Variants in ZYG11B observed in about 807,000 individuals in gnomAD.
ZYG11B encodes the protein protein zyg-11 homolog B.
Under a neutral mutation model 82.4 loss-of-function variants are expected in ZYG11B, and 36 were observed. That is an observed-to-expected ratio of 0.44 (90% CI 0.33 to 0.58). ZYG11B has a LOEUF of 0.58. Among genes scored for constraint, ZYG11B ranks in the 20% least tolerant of loss-of-function variants. The probability of loss-of-function intolerance (pLI) is 0.02; values close to 1 mark genes in which losing one functional copy is unlikely to be tolerated. For synonymous variants in ZYG11B, 303 were observed against 312.8 expected (o/e 0.97, Z 0.33); for missense variants, 552 against 895.6 (o/e 0.62, Z 4.90).
chr1:52,770,088 A>ATTT (rs1479332225), intron 2 of ZYG11B, among the ~76,000 whole-genome samples: 1 of 76,932 alleles, frequency 1.3e-5, no homozygotes, highest in African/African-American at 3.7e-5. Context: ...ATATATATAT[A>ATTT]TATATTTTTT....
At chr1:52,750,656 T>C (rs1278754353) in intron 1 of ZYG11B, among the ~76,000 whole-genome samples, 3 of 152,152 alleles carry the variant, frequency 2.0e-5, no homozygotes, top group Admixed American at 2.0e-4. Context: ...CCCAGTTCAG[T>C]GGTTTTTAGT....
Position 52,740,565 on chromosome 1 carries a change from CTT to C in ZYG11B, c.30+13901_30+13902del, listed in dbSNP as rs57309331. Among the ~76,000 whole-genome samples the C allele has an allele frequency of 1.6e-3, 202 of 124,918 alleles. 1 individual carries two copies. The highest frequency in any genetic ancestry group is 5.0e-3 in the African/African-American group (160 of 31,932). 82.0% of individuals were successfully genotyped at this position (124,918 alleles called of 152,430 possible). A position where few individuals can be genotyped will look rare whatever the true frequency, so the allele number is the denominator to read the frequency against. On this transcript the variant is annotated intron_variant, in intron 1 of 13. Coordinates refer to ENST00000294353, the MANE Select transcript of ZYG11B (RefSeq NM_024646.3). The stretch of plus-strand genomic sequence containing the variant: ...TGATCTATGCCCTTGGTACTACCTT[CTT>C]TTTTTTTTTTTTTTTTTTGAGACAG...
In ZYG11B at chr1:52,816,628, T is replaced by G; in HGVS notation, c.2043T>G (p.Asn681Lys). Residue 681 changes from asparagine to lysine, a missense_variant and splice_region_variant, in exon 13 of 14, where the codon AAT (asparagine) becomes AAG (lysine). By Grantham distance (94) the Asn-to-Lys change is moderately conservative (BLOSUM62 0). Around this residue, in one of 3 missense-constraint regions of ZYG11B, gnomAD observed 127 missense variants for 163.4 expected, o/e 0.78. Coordinates refer to ENST00000294353, the MANE Select transcript of ZYG11B (RefSeq NM_024646.3). ...VWAMQHVCSK[N>K]PSRYCSMLIE... ...CCATGCAACATGTCTGCAGCAAGAA[T>G]CGTATGTACCAAAAAAAAAGAACTG... 1 of 1,596,012 alleles carries G rather than the reference T, an allele frequency of 6.3e-7. No homozygotes were observed. The highest frequency in any genetic ancestry group is 8.5e-7 in the Non-Finnish European group (1 of 1,172,088).
Position 52,823,499 on chromosome 1 carries a change from A to G in ZYG11B, c.*1870A>G, listed in dbSNP as rs1465444789. ...ACAGACTAAGTTTATTTCAGACAAA[A>G]TAGAGAATTCTTTTAAAAGTTTTTT... On this transcript the variant is annotated 3_prime_UTR_variant, in exon 14 of 14. Transcript: ENST00000294353. 2.0e-5 allele frequency: 3 copies of G among 151,790 alleles called. No individual in the cohort carries two copies. Among genetic ancestry groups the G allele is most frequent in the African/African-American group, 7.3e-5 (3 of 41,260 alleles). 9.4% of individuals were successfully genotyped at this position (151,790 alleles called of 1,614,324 possible). A position where few individuals can be genotyped will look rare whatever the true frequency, so the allele number is the denominator to read the frequency against.
rs146395428 is a variant in ZYG11B, at chr1:52,767,114, GTTATTTTATT to G, written c.197-3898_197-3889del. Reference sequence around the variant, plus strand: ...ATATTATTTTGTTATGTTTTATGTTGTTATTTTATTTTATTTTGTTATTTTATGTTGTTTT... The same window carrying G: ...ATATTATTTTGTTATGTTTTATGTTGTTATTTTGTTATTTTATGTTGTTTT... On this transcript the variant is annotated intron_variant, in intron 2 of 13. Coordinates refer to ENST00000294353, the MANE Select transcript of ZYG11B (RefSeq NM_024646.3). 1.6e-3 allele frequency among the ~76,000 whole-genome samples: 240 copies of G among 147,252 alleles called. 2 individuals are homozygous for G. The highest frequency in any genetic ancestry group is 5.6e-3 in the African/African-American group (225 of 40,372).
intron 10 of ZYG11B, among the ~76,000 whole-genome samples, chr1:52,804,206 A>G (rs1254678135): frequency 6.6e-6 from 1 of 152,114 alleles, no homozygotes; most frequent in Non-Finnish European, 1.5e-5. Flanking sequence ...TGCTCATCCT[A>G]CTGCACTCCA....
intron 2 of ZYG11B, among the ~76,000 whole-genome samples, chr1:52,770,092 A>ATAT (rs1553259758): frequency 0.022 from 2,123 of 94,362 alleles, 36 homozygotes; most frequent in Middle Eastern, 0.062. Context: ...ATATATATAT[A>ATAT]TTTTTTTTTT....
At chr1:52,817,803 A>G (rs1223067169) in intron 13 of ZYG11B, among the ~76,000 whole-genome samples, 11 of 41,776 alleles carry the variant, frequency 2.6e-4, no homozygotes, top group South Asian at 2.1e-3. Context: ...ATATATATAT[A>G]TATATATATA....
rs1024597607 is a variant in ZYG11B, at chr1:52,772,651, TGGC to T, written c.951+882_951+884del. The T allele has an allele frequency of 8.1e-6, 7 of 863,542 alleles. No homozygotes were observed. In the African/African-American group the frequency reaches 1.0e-4, roughly 12 times the overall value. 53.5% of individuals were successfully genotyped at this position (863,542 alleles called of 1,614,324 possible). On this transcript the variant is annotated intron_variant, in intron 3 of 13. Transcript: ENST00000294353. The stretch of plus-strand genomic sequence containing the variant: ...TCAGGAGCACGCATACGACCCATGA[TGGC>T]GGCGATCAGGCAACGAAAGGCTTGT...
Position 52,779,973 on chromosome 1 carries a change from A to G in ZYG11B, c.1072A>G (p.Thr358Ala). 6.2e-7 allele frequency: 1 copy of G among 1,613,732 alleles called. No homozygotes were observed. Among genetic ancestry groups the G allele is most frequent in the Non-Finnish European group, 8.5e-7 (1 of 1,179,948 alleles). Residue 358 changes from threonine (T) to alanine (A), a missense_variant, in exon 4 of 14, where the codon ACA (threonine) becomes GCA (alanine). Around this residue, in one of 3 missense-constraint regions of ZYG11B, gnomAD observed 359 missense variants for 555.8 expected, o/e 0.65. Transcript: ENST00000294353. ...LFSLTHVMEK[T>A]KPEILKLVVT... ...TAGTCTGACTCATGTGATGGAAAAAACAAAGCCAGAAATTTTAAAGGTAAG... is the reference window on the plus strand; with the variant it reads ...TAGTCTGACTCATGTGATGGAAAAAGCAAAGCCAGAAATTTTAAAGGTAAG...
At position 52,827,124 on chromosome 1, in the gene ZYG11B, G is replaced by A. The variant is rs2149972608; in HGVS notation, c.*5495G>A. ...ATAGAACAGTTTAACTCCTTTCTAA[G>A]GATATAAAAAATTCATTGGAAAGTG... On this transcript the variant is annotated 3_prime_UTR_variant, in exon 14 of 14. Coordinates refer to ENST00000294353, the MANE Select transcript of ZYG11B (RefSeq NM_024646.3). The A allele has an allele frequency of 6.6e-6, 1 of 152,260 alleles. No individual in the cohort carries two copies. Among genetic ancestry groups the A allele is most frequent in the East Asian group, 1.9e-4 (1 of 5,184 alleles). 9.4% of individuals were successfully genotyped at this position (152,260 alleles called of 1,614,324 possible). A position where few individuals can be genotyped will look rare whatever the true frequency, so the allele number is the denominator to read the frequency against.
chr1:52,735,361 A>G (rs1277492191), intron 1 of ZYG11B, among the ~76,000 whole-genome samples: 5 of 152,204 alleles, frequency 3.3e-5, no homozygotes, highest in South Asian at 4.1e-4. Context: ...TTGAAGAACA[A>G]TATGTCTTCA....
Position 52,811,872 on chromosome 1 carries a change from T to C in ZYG11B, c.1696-1664T>C, listed in dbSNP as rs561092306. ...GGTGAAACCCCGTCTCTACTAAAAATACAAAAAAATTAGCCAGGCATGGTA... is the reference window on the plus strand; with the variant it reads ...GGTGAAACCCCGTCTCTACTAAAAACACAAAAAAATTAGCCAGGCATGGTA... On this transcript the variant is annotated intron_variant, in intron 10 of 13. Coordinates refer to ENST00000294353, the MANE Select transcript of ZYG11B (RefSeq NM_024646.3). 2.6e-5 allele frequency among the ~76,000 whole-genome samples: 4 copies of C among 152,124 alleles called. No homozygotes were observed. The East Asian group carries it at 5.8e-4, about 22-fold the overall frequency.
At chr1:52,749,744 G>T (rs977249421) in intron 1 of ZYG11B, among the ~76,000 whole-genome samples, 2 of 152,088 alleles carry the variant, frequency 1.3e-5, no homozygotes, top group African/African-American at 2.4e-5. Context: ...TTAGAGACAG[G>T]GTTTTGCCAT....
intron 10 of ZYG11B, among the ~76,000 whole-genome samples, chr1:52,809,780 T>A (rs1417929033): frequency 6.6e-6 from 1 of 152,220 alleles, no homozygotes. Flanking sequence ...TTGAGTATAT[T>A]TGTATGGGTT....
At chr1:52,729,150 C>G (rs1055172804) in intron 1 of ZYG11B, among the ~76,000 whole-genome samples, 1 of 152,190 alleles carries the variant, frequency 6.6e-6, no homozygotes, top group African/African-American at 2.4e-5. Context: ...CACCTTTTCA[C>G]TGTTTTCACA....
intron 4 of ZYG11B, among the ~76,000 whole-genome samples, chr1:52,781,917 G>A (rs1332023690): frequency 6.6e-6 from 1 of 151,738 alleles, no homozygotes; most frequent in East Asian, 1.9e-4. Context: ...TTGGCACTTG[G>A]TATATGAATT....
At position 52,822,019 on chromosome 1, in the gene ZYG11B, T is replaced by G. The variant is rs1234546695; in HGVS notation, c.*390T>G. 3 of 160,980 alleles carry G rather than the reference T, an allele frequency of 1.9e-5. No individual in the cohort carries two copies. The highest frequency in any genetic ancestry group is 2.7e-5 in the Non-Finnish European group (2 of 74,192). The allele number at this position is 160,980 out of a possible 1,614,324, so 10.0% of individuals were successfully genotyped here. A position where few individuals can be genotyped will look rare whatever the true frequency, so the allele number is the denominator to read the frequency against. ...CTGTTGACCTGATTTCTGACACTGCTTCAGTTGTAAATTTTATACTGCTTC... is the reference window on the plus strand; with the variant it reads ...CTGTTGACCTGATTTCTGACACTGCGTCAGTTGTAAATTTTATACTGCTTC... On this transcript the variant is annotated 3_prime_UTR_variant, in exon 14 of 14. Coordinates refer to ENST00000294353, the MANE Select transcript of ZYG11B (RefSeq NM_024646.3).
chr1:52,779,817 A>G, intron 3 of ZYG11B, 36 bp from the exon 4 acceptor site: 1 of 1,609,870 alleles, frequency 6.2e-7, no homozygotes, highest in Non-Finnish European at 8.5e-7. Context: ...AGAGAAAGAG[A>G]GAGAATTCTA....
Sources: gnomAD v4.1 joint callset for allele counts (sites outside exome capture counted in the v4.1 genomes callset) on GRCh38, gnomAD v4.1.1 for gene constraint, gnomAD v4.1.1 regional missense constraint, MANE v1.5 for transcripts, NCBI Gene and HGNC (gene_info 2026-07-23, HGNC 2026-07-21) for gene names.